GKAP1: variants seen among roughly 807,000 people sequenced by gnomAD.
The protein encoded by GKAP1 is G kinase anchoring protein 1.
Under a neutral mutation model 56.7 loss-of-function variants are expected in GKAP1, and 31 were observed. That is an observed-to-expected ratio of 0.55 (90% confidence interval 0.41 to 0.74). The LOEUF (loss-of-function observed/expected upper bound fraction) is 0.74, where lower values mean the gene tolerates loss of function less well. Among genes scored for constraint, GKAP1 ranks in the 30% least tolerant of loss-of-function variants. The pLI, the probability that GKAP1 is intolerant of heterozygous loss-of-function variation, is 0.00. For missense variants in GKAP1, 364 were observed against 402.3 expected (o/e 0.90, Z 0.82); for synonymous variants, 151 against 138.6 (o/e 1.09, Z -0.63).
chr9:83,745,062 G>T (rs1332581434), intron 10 of GKAP1, among the ~76,000 whole-genome samples: 2 of 152,124 alleles, frequency 1.3e-5, no homozygotes, highest in African/African-American at 4.8e-5. Flanking sequence ...CATATCAACA[G>T]GGTCTCACTC....
chr9:83,740,242 T>G (rs1021696766), intron 12 of GKAP1, among the ~76,000 whole-genome samples: 2 of 152,176 alleles, frequency 1.3e-5, no homozygotes, highest in Non-Finnish European at 1.5e-5. Context: ...TCATATTGCT[T>G]AGTTGCATAT....
chr9:83,808,104 G>A (rs961752842), intron 2 of GKAP1, among the ~76,000 whole-genome samples: 1 of 152,150 alleles, frequency 6.6e-6, no homozygotes, highest in Non-Finnish European at 1.5e-5. Flanking sequence ...TGCAAATCAA[G>A]ATAAAATATC....
rs567612918 is a variant in GKAP1, at chr9:83,779,508, T to C, written c.585+874A>G. Among the ~76,000 whole-genome samples, 277 of 129,170 alleles carry C rather than the reference T, an allele frequency of 2.1e-3. 14 individuals carry two copies. Among genetic ancestry groups the C allele is most frequent in the Middle Eastern group, 4.5e-3 (1 of 222 alleles). 84.7% of individuals were successfully genotyped at this position (129,170 alleles called of 152,430 possible). On this transcript the variant is annotated intron_variant, in intron 7 of 12. Transcript: ENST00000376371. ...ACATATATACACATATACACATATA[T>C]GTGTATATATATACACGTGTATATG...
chr9:83,798,840 A>G (rs1177246877), intron 4 of GKAP1, among the ~76,000 whole-genome samples: 1 of 152,086 alleles, frequency 6.6e-6, no homozygotes, highest in Non-Finnish European at 1.5e-5. Flanking sequence ...GTCACTGTGT[A>G]TTTTTAACAA....
chr9:83,779,337 A>AT (rs1300296172), intron 7 of GKAP1, among the ~76,000 whole-genome samples: 1 of 150,990 alleles, frequency 6.6e-6, no homozygotes, highest in Non-Finnish European at 1.5e-5. Flanking sequence ...TCACAAAATT[A>AT]TTTAGATGTG....
chr9:83,775,874 CAAAAAAA>C (rs55669011), intron 7 of GKAP1, among the ~76,000 whole-genome samples: 35 of 43,704 alleles, frequency 8.0e-4, no homozygotes, highest in African/African-American at 2.6e-3. Flanking sequence ...GACTCTGTCT[CAAAAAAA>C]AAAAAAAAAA....
At chr9:83,768,689 T>C in intron 8 of GKAP1, 129 bp downstream of exon 8, 1 of 759,146 alleles carries the variant, frequency 1.3e-6, no homozygotes, top group Admixed American at 2.8e-5. Flanking sequence ...TGCGTGATAA[T>C]TACTAAGATC....
At chr9:83,761,778 C>G (rs1229778344) in intron 8 of GKAP1, among the ~76,000 whole-genome samples, 1 of 152,164 alleles carries the variant, frequency 6.6e-6, no homozygotes, top group Non-Finnish European at 1.5e-5. Context: ...TGTGATACAT[C>G]ATATCAACAG....
chr9:83,797,679 T>A (rs1397617654), intron 4 of GKAP1, among the ~76,000 whole-genome samples: 1 of 152,160 alleles, frequency 6.6e-6, no homozygotes, highest in African/African-American at 2.4e-5. Flanking sequence ...TCACACTATT[T>A]CCTTTTCATC....
chr9:83,753,966 T>C (rs1444428605), intron 8 of GKAP1, among the ~76,000 whole-genome samples: 1 of 152,246 alleles, frequency 6.6e-6, no homozygotes, highest in Non-Finnish European at 1.5e-5. Context: ...CAATAGGATG[T>C]TGTTCTTTGG....
chr9:83,775,107 G>C (rs1943835378), intron 7 of GKAP1, among the ~76,000 whole-genome samples: 1 of 151,266 alleles, frequency 6.6e-6, no homozygotes, highest in Non-Finnish European at 1.5e-5. Flanking sequence ...GAGCTCAAAT[G>C]ATCTTCCTGC....
chr9:83,809,479 C>T (rs1944479476), intron 2 of GKAP1, among the ~76,000 whole-genome samples: 1 of 152,326 alleles, frequency 6.6e-6, no homozygotes, highest in East Asian at 1.9e-4. Context: ...TGCACTGCTA[C>T]CCATTATCAT....
At position 83,816,170 on chromosome 9, in the gene GKAP1, C is replaced by A. The variant is rs11140262; in HGVS notation, c.-44+826G>T. ...CGCCATTACACTCCAGCCTGGGCAACAAGAGCAAAATTCCGCCTCAAGAAA... is the reference window on the plus strand; with the variant it reads ...CGCCATTACACTCCAGCCTGGGCAAAAAGAGCAAAATTCCGCCTCAAGAAA... On this transcript the variant is annotated intron_variant, in intron 2 of 12. Transcript: ENST00000376371. 6.5e-3 allele frequency among the ~76,000 whole-genome samples: 974 copies of A among 150,952 alleles called. 5 individuals carry two copies. Among genetic ancestry groups the A allele is most frequent in the South Asian group, 0.014 (67 of 4,766 alleles).
intron 7 of GKAP1, among the ~76,000 whole-genome samples, chr9:83,769,404 T>G (rs1374383139): frequency 6.6e-6 from 1 of 152,162 alleles, no homozygotes; most frequent in Non-Finnish European, 1.5e-5. Flanking sequence ...TCCTAATACC[T>G]GCCACCCGCC....
chr9:83,789,355 A>G (rs1944116785), intron 4 of GKAP1, among the ~76,000 whole-genome samples: 1 of 152,198 alleles, frequency 6.6e-6, no homozygotes, highest in South Asian at 2.1e-4. Context: ...TACTTTTCCT[A>G]ATTGCCAAAC....
chr9:83,742,474 T>A (rs1471994023), intron 11 of GKAP1, 56 bp downstream of exon 11: 9 of 1,140,894 alleles, frequency 7.9e-6, no homozygotes, highest in Admixed American at 2.0e-5. Context: ...AGTTTAATAA[T>A]TCAAGACTAA....
chr9:83,813,267 C>G (rs538834293), intron 2 of GKAP1, among the ~76,000 whole-genome samples: 2 of 152,170 alleles, frequency 1.3e-5, no homozygotes, highest in South Asian at 4.2e-4. Context: ...ATAATTAAGC[C>G]ATACAATGCA....
At chr9:83,788,557 C>A in intron 5 of GKAP1, 44 bp downstream of exon 5, 1 of 1,119,022 alleles carries the variant, frequency 8.9e-7, no homozygotes, top group South Asian at 1.5e-5. Context: ...AACCTCTCAC[C>A]ACTTAAACTT....
intron 3 of GKAP1, among the ~76,000 whole-genome samples, chr9:83,800,618 G>A (rs891306682): frequency 4.6e-5 from 7 of 152,152 alleles, no homozygotes; most frequent in Non-Finnish European, 1.0e-4. Context: ...TTACAGGCGT[G>A]AGCCACCGCG....
Sources: gnomAD v4.1 joint callset for allele counts (sites outside exome capture counted in the v4.1 genomes callset) on GRCh38, gnomAD v4.1.1 for gene constraint, MANE v1.5 for transcripts, NCBI Gene and HGNC (gene_info 2026-07-23, HGNC 2026-07-21) for gene names.